Variants in IL1RAPL1 observed in about 807,000 individuals in gnomAD.
IL1RAPL1 encodes interleukin 1 receptor accessory protein like 1, also known as interleukin-1 receptor accessory protein-like 1.
IL1RAPL1 carries 3 observed loss-of-function variants against 48.4 expected under a neutral mutation model. That is an observed-to-expected ratio of 0.06 (90% confidence interval 0.03 to 0.16). IL1RAPL1 has a LOEUF of 0.16. Ranked by LOEUF, IL1RAPL1 falls within the 10% of genes least tolerant of loss-of-function variation. The pLI is 1.00. For missense variants in IL1RAPL1, 349 were observed against 530.6 expected (o/e 0.66, Z 3.36); for synonymous variants, 185 against 187.7 (o/e 0.99, Z 0.12).
intron 2 of IL1RAPL1, among the ~76,000 whole-genome samples, chrX:28,806,203 C>T (rs1372861747): frequency 9.0e-6 from 1 of 111,661 alleles, no homozygotes; most frequent in Non-Finnish European, 1.9e-5. Context: ...GGAATTAAAG[C>T]TTTATTTTTA....
intron 2 of IL1RAPL1, among the ~76,000 whole-genome samples, chrX:28,817,551 C>T (rs1466715087): frequency 3.6e-5 from 4 of 111,112 alleles, no homozygotes; most frequent in Non-Finnish European, 7.6e-5. Context: ...ACCAATTGTA[C>T]CAGTCATACA....
chrX:29,801,066 A>AC (rs1929886614), intron 6 of IL1RAPL1, among the ~76,000 whole-genome samples: 2 of 91,605 alleles, frequency 2.2e-5, no homozygotes, highest in African/African-American at 8.0e-5. Context: ...AAAAAAAAAA[A>AC]AAAAAAAAAA....
chrX:28,867,086 T>G (rs1014550626), intron 2 of IL1RAPL1, among the ~76,000 whole-genome samples: 1 of 109,486 alleles, frequency 9.1e-6, no homozygotes, highest in African/African-American at 3.3e-5. Context: ...AGTACAGGAG[T>G]AAAATGGCCA....
chrX:28,725,420 A>G (rs931448349), intron 1 of IL1RAPL1, among the ~76,000 whole-genome samples: 3 of 112,006 alleles, frequency 2.7e-5, no homozygotes, highest in African/African-American at 9.7e-5. Flanking sequence ...TTTCGTTTAC[A>G]TATTTTATTT....
intron 1 of IL1RAPL1, among the ~76,000 whole-genome samples, chrX:28,707,887 G>C (rs1157109606): frequency 8.9e-6 from 1 of 112,115 alleles, no homozygotes; most frequent in Non-Finnish European, 1.9e-5. Flanking sequence ...AGATTTTGTA[G>C]CACATTTTTC....
intron 2 of IL1RAPL1, among the ~76,000 whole-genome samples, chrX:28,985,257 T>C: frequency 9.0e-6 from 1 of 111,707 alleles, no homozygotes; most frequent in Non-Finnish European, 1.9e-5. Context: ...CTTGCCCATA[T>C]AGAGCTTACA....
chrX:29,766,081 A>G (rs771856008), intron 6 of IL1RAPL1, among the ~76,000 whole-genome samples: 2 of 108,879 alleles, frequency 1.8e-5, no homozygotes, highest in Non-Finnish European at 3.8e-5. Context: ...CTGTAATCCC[A>G]GCACTTTGGG....
At chrX:28,609,786 A>G (rs1332025519) in intron 1 of IL1RAPL1, among the ~76,000 whole-genome samples, 1 of 110,443 alleles carries the variant, frequency 9.1e-6, no homozygotes, top group Non-Finnish European at 1.9e-5. Flanking sequence ...CTCTGGTAGA[A>G]TGTGTTATCC....
intron 6 of IL1RAPL1, among the ~76,000 whole-genome samples, chrX:29,854,985 C>A (rs142176547): frequency 1.8e-5 from 2 of 111,106 alleles, no homozygotes; most frequent in African/African-American, 3.3e-5. Context: ...CATTTGTATA[C>A]CTCTTTATGT....
chrX:28,956,381 T>A (rs1157475983), intron 2 of IL1RAPL1, among the ~76,000 whole-genome samples: 2 of 110,141 alleles, frequency 1.8e-5, no homozygotes, highest in Non-Finnish European at 3.8e-5. Context: ...CCATTCAGTA[T>A]GATATTGGCT....
intron 2 of IL1RAPL1, among the ~76,000 whole-genome samples, chrX:29,018,297 T>G (rs1926286507): frequency 8.9e-6 from 1 of 112,386 alleles, no homozygotes; most frequent in African/African-American, 3.2e-5. Context: ...CCTTAATGGG[T>G]TTACATATTA....
chrX:29,212,389 A>G (rs768974747), intron 2 of IL1RAPL1, among the ~76,000 whole-genome samples: 1 of 111,149 alleles, frequency 9.0e-6, no homozygotes, highest in African/African-American at 3.3e-5. Flanking sequence ...GCTCACTGCA[A>G]CCTCTGCCTC....
At chrX:29,724,713 A>C in intron 6 of IL1RAPL1, among the ~76,000 whole-genome samples, 1 of 111,933 alleles carries the variant, frequency 8.9e-6, no homozygotes, top group Middle Eastern at 4.6e-3. Flanking sequence ...ACATTTCTTT[A>C]ATACCTAGAG....
At chrX:29,769,610 A>ATTTTT (rs146650137) in intron 6 of IL1RAPL1, among the ~76,000 whole-genome samples, 25 of 43,056 alleles carry the variant, frequency 5.8e-4, no homozygotes, top group African/African-American at 8.5e-4. Flanking sequence ...TGCCTGGCTA[A>ATTTTT]TTTTTTTTTT....
At chrX:29,902,010 A>G (rs1378468331) in intron 6 of IL1RAPL1, among the ~76,000 whole-genome samples, 1 of 112,238 alleles carries the variant, frequency 8.9e-6, no homozygotes, top group African/African-American at 3.2e-5. Context: ...GTCAGAAAGC[A>G]AATCACGAGG....
At chrX:29,223,254 T>C (rs1931016778) in intron 2 of IL1RAPL1, among the ~76,000 whole-genome samples, 1 of 111,641 alleles carries the variant, frequency 9.0e-6, no homozygotes, top group Non-Finnish European at 1.9e-5. Context: ...ATAGGAAAAA[T>C]ACGTGTATGC....
intron 3 of IL1RAPL1, among the ~76,000 whole-genome samples, chrX:29,303,015 C>T (rs1317053710): frequency 2.7e-5 from 3 of 112,115 alleles, no homozygotes; most frequent in Non-Finnish European, 5.6e-5. Flanking sequence ...GTTTTTCTAC[C>T]AGCTCCCTAC....
intron 1 of IL1RAPL1, among the ~76,000 whole-genome samples, chrX:28,728,505 T>TA (rs1168946452): frequency 4.5e-5 from 5 of 111,496 alleles, no homozygotes; most frequent in Non-Finnish European, 7.5e-5. Flanking sequence ...AGAGTATCTC[T>TA]AAAAAAATTG....
intron 5 of IL1RAPL1, among the ~76,000 whole-genome samples, chrX:29,667,809 C>T (rs1046108588): frequency 3.1e-4 from 35 of 111,767 alleles, no homozygotes; most frequent in Admixed American, 2.9e-3. Context: ...TAAAATGTAA[C>T]GGATAATAGA....
Sources: gnomAD v4.1 joint callset for allele counts (sites outside exome capture counted in the v4.1 genomes callset) on GRCh38, gnomAD v4.1.1 for gene constraint, MANE v1.5 for transcripts, NCBI Gene and HGNC (gene_info 2026-07-23, HGNC 2026-07-21) for gene names.